The following COL5A2 variants were observed in gnomAD, a reference collection of about 807,000 sequenced individuals.
The protein encoded by COL5A2 is collagen alpha-2(V) chain.
In COL5A2, 23 loss-of-function variants were observed where a neutral mutation model predicts 208.2. That is an observed-to-expected ratio of 0.11 (90% CI 0.08 to 0.16). The LOEUF is 0.16. Ranked by LOEUF, COL5A2 falls within the 10% of genes least tolerant of loss-of-function variation. The pLI, the probability that COL5A2 is intolerant of heterozygous loss-of-function variation, is 1.00. For missense variants in COL5A2, 1,590 were observed against 1,956.4 expected, an observed-to-expected ratio of 0.81 and a Z score of 3.53; for synonymous variants, 625 against 628.5, an observed-to-expected ratio of 0.99 and a Z score of 0.08.
chr2:189,200,833 TA>T (rs1335518464), intron 1 of COL5A2, among the ~76,000 whole-genome samples: 3 of 150,998 alleles, frequency 2.0e-5, no homozygotes, highest in Admixed American at 6.6e-5. Flanking sequence ...AGTACTGAAA[TA>T]AAAAAAAATG....
In COL5A2 at chr2:189,058,420, G is replaced by A. The variant is rs1559083234; in HGVS notation, c.2229+9C>T. Reference sequence around the variant, plus strand: ...CATTTTAAAACACTGAGATCACTATGACACTTACTTTTGGGCCATCAGGAC... The same window carrying A: ...CATTTTAAAACACTGAGATCACTATAACACTTACTTTTGGGCCATCAGGAC... On this transcript the variant is annotated intron_variant, in intron 33 of 53. Coordinates refer to ENST00000374866, the MANE Select transcript of COL5A2 (RefSeq NM_000393.5). The A allele has an allele frequency of 6.2e-7, 1 of 1,607,108 alleles. No homozygotes were observed. The highest frequency in any genetic ancestry group is 1.3e-5 in the African/African-American group (1 of 74,886).
upstream of COL5A2, among the ~76,000 whole-genome samples, chr2:189,225,986 A>G (rs1167703218): frequency 6.6e-6 from 1 of 152,196 alleles, no homozygotes; most frequent in Non-Finnish European, 1.5e-5. Context: ...AGAAAGTTAC[A>G]TATTATTATT....
the COL5A2 span, among the ~76,000 whole-genome samples, chr2:189,343,937 C>T: frequency 5.9e-5 from 9 of 152,004 alleles, no homozygotes; most frequent in African/African-American, 2.2e-4. Flanking sequence ...AAAGACATTT[C>T]TATTTCTATC....
upstream of COL5A2, among the ~76,000 whole-genome samples, chr2:189,181,760 C>A (rs183348361): frequency 6.6e-6 from 1 of 152,186 alleles, no homozygotes; most frequent in East Asian, 1.9e-4. Flanking sequence ...TCAGTGGCTG[C>A]TCAGATCAGT....
At chr2:189,360,790 C>T in the COL5A2 span, among the ~76,000 whole-genome samples, 1 of 152,044 alleles carries the variant, frequency 6.6e-6, no homozygotes, top group Non-Finnish European at 1.5e-5. Flanking sequence ...CTCCAACAGG[C>T]CCCAGTCTGT....
chr2:189,132,595 G>A (rs1559118560), intron 1 of COL5A2, among the ~76,000 whole-genome samples: 1 of 152,148 alleles, frequency 6.6e-6, no homozygotes, highest in Non-Finnish European at 1.5e-5. Flanking sequence ...ATTCAATGTA[G>A]TTTTTAACAA....
chr2:189,097,393 G>A, intron 5 of COL5A2, 63 bp from the exon 6 acceptor site: 7 of 1,561,140 alleles, frequency 4.5e-6, no homozygotes, highest in South Asian at 2.2e-5. Flanking sequence ...ATTTTTAAAA[G>A]TCTACTTGAT....
At position 189,071,983 on chromosome 2, in the gene COL5A2, T is replaced by C. The variant is rs963590337; in HGVS notation, c.1158+57A>G. Reference sequence around the variant, plus strand: ...AATTAATTAAATGTCATTCTTCACTTTGGGACTCATGTAATCATGTAGCGT... The same window carrying C: ...AATTAATTAAATGTCATTCTTCACTCTGGGACTCATGTAATCATGTAGCGT... On this transcript the variant is annotated intron_variant, in intron 18 of 53. Coordinates refer to ENST00000374866, the MANE Select transcript of COL5A2 (RefSeq NM_000393.5). 4 of 1,144,156 alleles carry C rather than the reference T, an allele frequency of 3.5e-6. No individual in the cohort carries two copies. The African/African-American group carries it at 4.6e-5, about 13-fold the overall frequency. The allele number at this position is 1,144,156 out of a possible 1,614,324, so 70.9% of individuals were successfully genotyped here.
chr2:189,203,806 G>A (rs1689108906), intron 1 of COL5A2, among the ~76,000 whole-genome samples: 1 of 151,932 alleles, frequency 6.6e-6, no homozygotes, highest in South Asian at 2.1e-4. Context: ...CTGAAGTTCA[G>A]AAAAGCAATG....
At chr2:189,111,451 C>A (rs190283733) in intron 1 of COL5A2, among the ~76,000 whole-genome samples, 339 of 152,256 alleles carry the variant, frequency 2.2e-3, no homozygotes, top group Admixed American at 5.2e-3. Flanking sequence ...ACCTTCTTTC[C>A]CATTTCTTGC....
intron 1 of COL5A2, among the ~76,000 whole-genome samples, chr2:189,213,560 G>A (rs550883862): frequency 6.6e-6 from 1 of 152,272 alleles, no homozygotes; most frequent in East Asian, 1.9e-4. Context: ...AAGAGGAACT[G>A]CACCATCACT....
chr2:189,421,323 C>CA, the COL5A2 span, among the ~76,000 whole-genome samples: 6 of 152,184 alleles, frequency 3.9e-5, no homozygotes, highest in South Asian at 2.1e-4. Flanking sequence ...CATCACCCCA[C>CA]AAAAAACATT....
At chr2:189,431,427 A>C in the COL5A2 span, among the ~76,000 whole-genome samples, 5,869 of 152,228 alleles carry the variant, frequency 0.039, 138 homozygotes, top group South Asian at 0.05. Context: ...AACCCATCAC[A>C]AAAAAAGCTA....
the COL5A2 span, among the ~76,000 whole-genome samples, chr2:189,276,847 G>T: frequency 1.3e-5 from 2 of 151,778 alleles, no homozygotes; most frequent in African/African-American, 4.8e-5. Context: ...ATTTCTCTTG[G>T]ATATATTACT....
chr2:189,412,167 A>G, the COL5A2 span, among the ~76,000 whole-genome samples: 15 of 152,336 alleles, frequency 9.8e-5, no homozygotes, highest in Admixed American at 2.0e-4. Context: ...GAATTTGTAT[A>G]GGTCCACATT....
At chr2:189,424,224 A>G in the COL5A2 span, among the ~76,000 whole-genome samples, 1 of 152,330 alleles carries the variant, frequency 6.6e-6, no homozygotes, top group Non-Finnish European at 1.5e-5. Context: ...CATAGCTAAC[A>G]GAATATTCAA....
the COL5A2 span, among the ~76,000 whole-genome samples, chr2:189,261,133 G>A: frequency 2.6e-5 from 4 of 151,958 alleles, no homozygotes; most frequent in Non-Finnish European, 5.9e-5. Flanking sequence ...ATTGCTTGAT[G>A]TAACTCACAA....
intron 1 of COL5A2, among the ~76,000 whole-genome samples, chr2:189,124,205 T>G (rs1237793475): frequency 6.6e-6 from 1 of 152,190 alleles, no homozygotes; most frequent in Admixed American, 6.5e-5. Flanking sequence ...CCATTCTTTC[T>G]ATTCATTTCC....
the COL5A2 span, among the ~76,000 whole-genome samples, chr2:189,231,789 T>C: frequency 1.1e-5 from 1 of 95,014 alleles, no homozygotes; most frequent in Non-Finnish European, 2.8e-5. Flanking sequence ...ATTTGTGTTA[T>C]GTTCTATTTT....
Sources: allele counts gnomAD v4.1 joint callset (sites outside exome capture counted in the v4.1 genomes callset), GRCh38; gene constraint gnomAD v4.1.1; transcripts MANE v1.5; gene names NCBI Gene and HGNC (gene_info 2026-07-23, HGNC 2026-07-21).